Variants in GALK2 observed in about 807,000 individuals in gnomAD.
GALK2 encodes the protein galactokinase 2.
Under a neutral mutation model 52.4 loss-of-function variants are expected in GALK2, and 36 were observed. That is an observed-to-expected ratio of 0.69 (90% confidence interval 0.53 to 0.91). GALK2 has a LOEUF of 0.91. Among genes scored for constraint, GALK2 ranks in the 40% least tolerant of loss-of-function variants. GALK2 has a pLI of 0.00. For synonymous variants in GALK2, 176 were observed against 199.1 expected (o/e 0.88, Z 0.98); for missense variants, 579 against 559.1 (o/e 1.04, Z -0.36).
At chr15:49,358,721 G>T (rs965468942) in intron 3 of GALK2, among the ~76,000 whole-genome samples, 1 of 151,496 alleles carries the variant, frequency 6.6e-6, no homozygotes, top group African/African-American at 2.4e-5. Context: ...TTTCTTCACA[G>T]AATTGGAAAA....
chr15:49,261,133 A>C (rs2092088641), intron 5 of GALK2, among the ~76,000 whole-genome samples: 1 of 150,052 alleles, frequency 6.7e-6, no homozygotes, highest in African/African-American at 2.5e-5. Context: ...TGGGGATGGC[A>C]TTGAATCTAT....
chr15:49,366,303 ATC>A (rs1378328926), intron 3 of GALK2: 1 of 787,764 alleles, frequency 1.3e-6, no homozygotes, highest in Non-Finnish European at 2.4e-6. Flanking sequence ...GGAAATTCAG[ATC>A]TGTTACCTGA....
upstream of GALK2, among the ~76,000 whole-genome samples, chr15:49,168,892 G>A (rs1312762766): frequency 6.6e-6 from 1 of 151,734 alleles, no homozygotes; most frequent in Non-Finnish European, 1.5e-5. Context: ...ATTTATTGGG[G>A]CCCAGAAACA....
chr15:49,264,639 G>C (rs1361747391), intron 5 of GALK2, among the ~76,000 whole-genome samples: 1 of 152,160 alleles, frequency 6.6e-6, no homozygotes, highest in African/African-American at 2.4e-5. Context: ...TTTGGAGGAG[G>C]AGAGGCGCTC....
chr15:49,328,414 A>G lies in GALK2; in HGVS notation c.*255A>G. The stretch of plus-strand genomic sequence containing the variant: ...GATCTTTTAAGAATAACTTACTGAG[A>G]TTTATTGATTTGAAGATTTTAAAGA... On this transcript the variant is annotated 3_prime_UTR_variant, in exon 10 of 10. Coordinates refer to ENST00000560031, the MANE Select transcript of GALK2 (RefSeq NM_002044.4). The G allele has an allele frequency of 4.2e-6, 6 of 1,434,992 alleles. No homozygotes were observed. The highest frequency in any genetic ancestry group is 5.5e-6 in the Non-Finnish European group (6 of 1,096,740). 88.9% of individuals were successfully genotyped at this position (1,434,992 alleles called of 1,614,324 possible). A position where few individuals can be genotyped will look rare whatever the true frequency, so the allele number is the denominator to read the frequency against.
At chr15:49,275,617 A>G (rs1212870853) in intron 5 of GALK2, among the ~76,000 whole-genome samples, 1 of 152,242 alleles carries the variant, frequency 6.6e-6, no homozygotes, top group East Asian at 1.9e-4. Context: ...TAACTAACTC[A>G]GCGAAACATT....
chr15:49,305,200 T>C (rs74659929), intron 8 of GALK2, among the ~76,000 whole-genome samples: 2,613 of 152,286 alleles, frequency 0.017, 95 homozygotes, highest in African/African-American at 0.06. Context: ...TGGATGGATC[T>C]AGTGCCTTTT....
chr15:49,359,389 C>T (rs1308499002), intron 3 of GALK2, among the ~76,000 whole-genome samples: 1 of 118,800 alleles, frequency 8.4e-6, no homozygotes, highest in African/African-American at 3.3e-5. Flanking sequence ...AACAAATTTA[C>T]AAGAAAAAAA....
At chr15:49,260,618 GT>G (rs1037806439) in intron 5 of GALK2, among the ~76,000 whole-genome samples, 2 of 147,644 alleles carry the variant, frequency 1.4e-5, no homozygotes, top group African/African-American at 5.0e-5. Flanking sequence ...TGCTTTTGGT[GT>G]TTTAGACATG....
chr15:49,285,282 C>T (rs138834405), intron 7 of GALK2, among the ~76,000 whole-genome samples: 57 of 152,184 alleles, frequency 3.7e-4, no homozygotes, highest in African/African-American at 1.3e-3. Flanking sequence ...CTTAGGTTTC[C>T]AGTATACTTC....
chr15:49,168,563 A>C (rs560864672), upstream of GALK2, among the ~76,000 whole-genome samples: 2 of 152,218 alleles, frequency 1.3e-5, no homozygotes, highest in Non-Finnish European at 1.5e-5. Flanking sequence ...TACTAAAAAT[A>C]CAAAAATTAG....
intron 1 of GALK2, among the ~76,000 whole-genome samples, chr15:49,197,859 C>G (rs1260055424): frequency 2.0e-5 from 2 of 98,218 alleles, no homozygotes; most frequent in Non-Finnish European, 4.4e-5. Flanking sequence ...TACCTTTGTA[C>G]TTATATTTTA....
chr15:49,310,895 G>T (rs2035934407), intron 8 of GALK2, among the ~76,000 whole-genome samples: 1 of 152,050 alleles, frequency 6.6e-6, no homozygotes, highest in Non-Finnish European at 1.5e-5. Context: ...TTAGTTTCAT[G>T]TTGTCCTATT....
intron 7 of GALK2, among the ~76,000 whole-genome samples, chr15:49,287,737 G>A (rs1379921623): frequency 6.6e-6 from 1 of 152,176 alleles, no homozygotes; most frequent in Non-Finnish European, 1.5e-5. Flanking sequence ...AGACTGATCA[G>A]CTAGGGCTCC....
chr15:49,157,411 T>G (rs1595835739), intron 1 of GALK2, among the ~76,000 whole-genome samples: 1 of 152,238 alleles, frequency 6.6e-6, no homozygotes, highest in East Asian at 1.9e-4. Flanking sequence ...ATAAGAAGTA[T>G]TGAGGATTTA....
At chr15:49,343,177 T>G (rs1260960814) in intron 3 of GALK2, among the ~76,000 whole-genome samples, 1 of 152,186 alleles carries the variant, frequency 6.6e-6, no homozygotes, top group Non-Finnish European at 1.5e-5. Context: ...ATAGGTTTGG[T>G]CACTTTACAT....
intron 1 of GALK2, among the ~76,000 whole-genome samples, chr15:49,197,031 G>A (rs774726661): frequency 6.2e-4 from 95 of 152,162 alleles, no homozygotes; most frequent in Non-Finnish European, 1.1e-3. Context: ...AGGCTGCAGC[G>A]AGCCGTGATC....
chr15:49,212,440 G>T (rs1234496747), intron 2 of GALK2, among the ~76,000 whole-genome samples: 1 of 151,298 alleles, frequency 6.6e-6, no homozygotes, highest in African/African-American at 2.4e-5. Context: ...TTTAGTTTAT[G>T]TTTGCAAAAC....
chr15:49,258,995 TG>T lies in GALK2; in HGVS notation c.504+19629del, dbSNP rs557433946. Reference sequence around the variant, plus strand: ...TCCTTCACCCATTTTTTGATGGGGTTGTTTTTTTCTTGTAAATTTGTTTGAG... The same window carrying T: ...TCCTTCACCCATTTTTTGATGGGGTTTTTTTTTCTTGTAAATTTGTTTGAG... On this transcript the variant is annotated intron_variant, in intron 5 of 9. Coordinates refer to ENST00000560031, the MANE Select transcript of GALK2 (RefSeq NM_002044.4). Among the ~76,000 whole-genome samples, 906 of 151,816 alleles carry T rather than the reference TG, an allele frequency of 6.0e-3. 15 individuals carry two copies. Among genetic ancestry groups the T allele is most frequent in the African/African-American group, 0.021 (856 of 41,418 alleles).
Sources: gnomAD v4.1 joint callset for allele counts (sites outside exome capture counted in the v4.1 genomes callset) on GRCh38, gnomAD v4.1.1 for gene constraint, MANE v1.5 for transcripts, NCBI Gene and HGNC (gene_info 2026-07-23, HGNC 2026-07-21) for gene names.